TARS1: variants seen among roughly 807,000 people sequenced by gnomAD.
The protein encoded by TARS1 is threonyl-tRNA synthetase 1, also known as threonine--tRNA ligase 1, cytoplasmic.
A neutral mutation model predicts 97.7 loss-of-function variants in TARS1; 57 were observed. That is an observed-to-expected ratio of 0.58 (90% CI 0.47 to 0.73). The LOEUF (loss-of-function observed/expected upper bound fraction) is 0.73. Ranked by LOEUF, TARS1 falls within the 30% of genes least tolerant of loss-of-function variation. The pLI, the probability that TARS1 is intolerant of heterozygous loss-of-function variation, is 0.00. For synonymous variants in TARS1, 312 were observed against 293.7 expected (o/e 1.06, Z -0.64); for missense variants, 806 against 888.3 (o/e 0.91, Z 1.18).
At chr5:33,446,803 C>A (rs1579576069) in intron 2 of TARS1, 1 of 1,217,464 alleles carries the variant, frequency 8.2e-7, no homozygotes, top group Non-Finnish European at 1.1e-6. Context: ...GTGGATGGAA[C>A]TGGGTACTGT....
intron 10 of TARS1, among the ~76,000 whole-genome samples, chr5:33,459,245 T>G (rs1481591399): frequency 6.6e-6 from 1 of 152,232 alleles, no homozygotes; most frequent in African/African-American, 2.4e-5. Context: ...TTGGCATGGA[T>G]TCTTTTTGTC....
At chr5:33,463,671 G>GTTCCAGGAA (rs1481862576) in intron 16 of TARS1, 82 bp from the exon 17 acceptor site, 1 of 1,227,094 alleles carries the variant, frequency 8.1e-7, no homozygotes, top group Non-Finnish European at 1.2e-6. Context: ...AAAAGATACT[G>GTTCCAGGAA]AAGAGTAGAG....
chr5:33,459,843 T>C lies in TARS1; in HGVS notation c.1232T>C (p.Met411Thr), dbSNP rs753194145. The change falls in exon 11 of 19, where the codon ATG becomes ACG. Residue 411 changes from methionine (M) to threonine (T), a missense_variant. Met to Thr is a moderately conservative substitution (Grantham distance 81). Coordinates refer to ENST00000265112, the MANE Select transcript of TARS1 (RefSeq NM_152295.5). ...VEKELFALKP[M>T]NCPGHCLMFD... ...AAGGAGCTGTTTGCCCTGAAACCCATGAACTGCCCAGGACACTGGTATTCG... is the reference window on the plus strand; with the variant it reads ...AAGGAGCTGTTTGCCCTGAAACCCACGAACTGCCCAGGACACTGGTATTCG... The C allele has an allele frequency of 6.2e-7, 1 of 1,614,150 alleles. No individual in the cohort carries two copies. Among genetic ancestry groups the C allele is most frequent in the Non-Finnish European group, 8.5e-7 (1 of 1,179,996 alleles).
In TARS1 at chr5:33,441,032, C is replaced by T. The variant is rs1741059607; in HGVS notation, c.-55C>T. ...AGCCCACCTCCCACCCGCCTCTTGGCTCCTCTCCTCTAGGCCGTCGCTTTC... is the reference window on the plus strand; with the variant it reads ...AGCCCACCTCCCACCCGCCTCTTGGTTCCTCTCCTCTAGGCCGTCGCTTTC... On this transcript the variant is annotated 5_prime_UTR_variant, in exon 1 of 19. Transcript: ENST00000265112. 5 of 1,611,450 alleles carry T rather than the reference C, an allele frequency of 3.1e-6. No individual in the cohort carries two copies. The highest frequency in any genetic ancestry group is 1.7e-4 in the Middle Eastern group (1 of 5,952).
chr5:33,443,499 G>A (rs1396082233), intron 1 of TARS1, among the ~76,000 whole-genome samples: 3 of 122,382 alleles, frequency 2.5e-5, no homozygotes, highest in African/African-American at 6.5e-5. Flanking sequence ...TTTTGTTGTC[G>A]TTGTTGTTGT....
At position 33,443,341 on chromosome 5, in the gene TARS1, C is replaced by CTCTCTCTCTCTCTCTT. The variant is rs1561066252; in HGVS notation, c.58-1968_58-1967insTTCTCTCTCTCTCTCT. The stretch of plus-strand genomic sequence containing the variant: ...TCTCCCTCTCTCTCTCTCTCTCTCT[C>CTCTCTCTCTCTCTCTT]TCTCTCTCTCTCTCTCTCTCACTAC... On this transcript the variant is annotated intron_variant, in intron 1 of 18. Transcript: ENST00000265112. Among the ~76,000 whole-genome samples, 595 of 150,346 alleles carry CTCTCTCTCTCTCTCTT rather than the reference C, an allele frequency of 4.0e-3. 6 individuals are homozygous for CTCTCTCTCTCTCTCTT. The highest frequency in any genetic ancestry group is 0.014 in the African/African-American group (571 of 40,184).
intron 11 of TARS1, 154 bp downstream of exon 11, chr5:33,460,015 G>A (rs913688496): frequency 1.6e-6 from 1 of 627,520 alleles, no homozygotes; most frequent in Non-Finnish European, 2.4e-6. Flanking sequence ...TTCTGCACCT[G>A]ATTAGATCCC....
chr5:33,443,328 T>TCTCC (rs1741226188), intron 1 of TARS1, among the ~76,000 whole-genome samples: 1 of 99,222 alleles, frequency 1.0e-5, no homozygotes, highest in Non-Finnish European at 2.1e-5. Context: ...TCCCTCTCTC[T>TCTCC]CTCTCTCTCT....
At position 33,441,077 on chromosome 5, in the gene TARS1, T is replaced by G. The variant is rs779267629; in HGVS notation, c.-10T>G. 1.9e-6 allele frequency: 3 copies of G among 1,614,068 alleles called. No individual in the cohort carries two copies. The highest frequency in any genetic ancestry group is 2.5e-6 in the Non-Finnish European group (3 of 1,180,034). On this transcript the variant is annotated 5_prime_UTR_variant, in exon 1 of 19. Transcript: ENST00000265112. ...GCTTTCGGGTTCTCTCATCGCTTCG[T>G]CGTTCGCCAATGTTTGAGGAGAAGG...
intron 4 of TARS1, among the ~76,000 whole-genome samples, chr5:33,454,133 G>A (rs1229585590): frequency 6.6e-6 from 1 of 152,172 alleles, no homozygotes; most frequent in Non-Finnish European, 1.5e-5. Context: ...ATCTTAAGAT[G>A]CAAATCTGCT....
Position 33,448,580 on chromosome 5 carries a change from A to G in TARS1, c.178A>G (p.Met60Val). The change falls in exon 3 of 19, where the codon ATG becomes GTG. Residue 60 changes from methionine to valine, a missense_variant. Coordinates refer to ENST00000265112, the MANE Select transcript of TARS1 (RefSeq NM_152295.5). ...WPEYIYTRLE[M>V]YNILKAEHDS... Reference sequence around the variant, plus strand: ...TGAATATATTTACACACGTCTTGAGATGTATAATATACTAAAAGCAGAACA... The same window carrying G: ...TGAATATATTTACACACGTCTTGAGGTGTATAATATACTAAAAGCAGAACA... 6.2e-7 allele frequency: 1 copy of G among 1,610,720 alleles called. No homozygotes were observed. Among genetic ancestry groups the G allele is most frequent in the Non-Finnish European group, 8.5e-7 (1 of 1,178,466 alleles).
intron 1 of TARS1, among the ~76,000 whole-genome samples, chr5:33,443,582 T>G (rs2111919989): frequency 6.7e-6 from 1 of 149,606 alleles, no homozygotes; most frequent in African/African-American, 2.5e-5. Flanking sequence ...AAGCTCCGCC[T>G]CCCGGGTTCC....
At chr5:33,460,804 A>G (rs927944044) in intron 11 of TARS1, 98 bp from the exon 12 acceptor site, 1 of 1,428,230 alleles carries the variant, frequency 7.0e-7, no homozygotes, top group African/African-American at 1.4e-5. Flanking sequence ...GGACAGCTAG[A>G]ATCAGTGGCT....
chr5:33,455,191 T>C, intron 5 of TARS1, 125 bp downstream of exon 5: 1 of 1,238,986 alleles, frequency 8.1e-7, no homozygotes. Context: ...GTATGCCCAT[T>C]ATCAGTACTT....
Position 33,448,581 on chromosome 5 carries a change from T to A in TARS1, c.179T>A (p.Met60Lys). The change falls in exon 3 of 19, where the codon ATG (methionine) becomes AAG (lysine). Residue 60 changes from methionine (M) to lysine (K), a missense_variant. Physicochemically the swap from Met to Lys is moderately conservative, Grantham distance 95. This residue lies in a region of TARS1 where 356 missense variants were observed against 357.8 expected (regional missense o/e 0.99). Coordinates refer to ENST00000265112, the MANE Select transcript of TARS1 (RefSeq NM_152295.5). ...GAATATATTTACACACGTCTTGAGA[T>A]GTATAATATACTAAAAGCAGAACAT... ...WPEYIYTRLE[M>K]YNILKAEHDS... 1 of 1,610,188 alleles carries A rather than the reference T, an allele frequency of 6.2e-7. No homozygotes were observed. Among genetic ancestry groups the A allele is most frequent in the Non-Finnish European group, 8.5e-7 (1 of 1,178,212 alleles).
chr5:33,455,584 CA>C lies in TARS1; in HGVS notation c.576-2del. The C allele has an allele frequency of 6.3e-7, 1 of 1,580,424 alleles. No homozygotes were observed. The highest frequency in any genetic ancestry group is 8.7e-7 in the Non-Finnish European group (1 of 1,155,832). ...GAAAAGATTATACTTTCTTCTCCTT[CA>C]GGGGTGTGTCTAGCAATGATTTCTC... On this transcript the variant is annotated splice_acceptor_variant, in intron 5 of 18. Transcript: ENST00000265112. LOFTEE classifies it high-confidence loss of function.
In TARS1 at chr5:33,440,986, C is replaced by G. The variant is rs557843727; in HGVS notation, c.-101C>G. 10 of 1,480,468 alleles carry G rather than the reference C, an allele frequency of 6.8e-6. 1 individual carries two copies. Among genetic ancestry groups the G allele is most frequent in the South Asian group, 5.9e-5 (5 of 84,958 alleles). 91.7% of individuals were successfully genotyped at this position (1,480,468 alleles called of 1,614,324 possible). ...TTTCGATTGCATCAGCTGGTCCAGCCGAGGCCAAGTCCCGGGCGCTAGCCC... is the reference window on the plus strand; with the variant it reads ...TTTCGATTGCATCAGCTGGTCCAGCGGAGGCCAAGTCCCGGGCGCTAGCCC... On this transcript the variant is annotated 5_prime_UTR_variant, in exon 1 of 19. Coordinates refer to ENST00000265112, the MANE Select transcript of TARS1 (RefSeq NM_152295.5).
intron 3 of TARS1, among the ~76,000 whole-genome samples, chr5:33,449,945 A>G (rs1741647830): frequency 7.0e-6 from 1 of 143,708 alleles, no homozygotes; most frequent in Admixed American, 7.2e-5. Flanking sequence ...CTTTATATAC[A>G]TACATAAAAC....
At chr5:33,462,337 A>T in intron 16 of TARS1, 134 bp downstream of exon 16, 1 of 770,680 alleles carries the variant, frequency 1.3e-6, no homozygotes, top group Non-Finnish European at 2.1e-6. Flanking sequence ...ACAAGTGTTC[A>T]TTAAAAAATA....
Sources: allele counts gnomAD v4.1 joint callset (sites outside exome capture counted in the v4.1 genomes callset), GRCh38; gene constraint gnomAD v4.1.1; regional missense constraint gnomAD v4.1.1; transcripts MANE v1.5; gene names NCBI Gene and HGNC (gene_info 2026-07-23, HGNC 2026-07-21).